CDH22: variants seen among roughly 807,000 people sequenced by gnomAD.
CDH22 encodes cadherin-22.
Under a neutral mutation model 58.4 loss-of-function variants are expected in CDH22, and 30 were observed. The ratio of observed to expected loss-of-function variants is 0.51; its 90% CI spans 0.38 to 0.70. CDH22 has a LOEUF of 0.70. CDH22 is among the 30% of genes least tolerant of loss of function. CDH22 has a pLI of 0.00. For synonymous variants in CDH22, 513 were observed against 558.2 expected (o/e 0.92, Z 1.14); for missense variants, 1,014 against 1,233.9 (o/e 0.82, Z 2.67).
intron 8 of CDH22, 147 bp downstream of exon 8, chr20:46,199,276 C>T (rs1224433064): frequency 1.1e-6 from 1 of 949,478 alleles, no homozygotes; most frequent in Non-Finnish European, 1.5e-6. Context: ...TCTTTCTCTT[C>T]GCACCATCCC....
At chr20:46,258,915 G>A (rs1255028926) in intron 1 of CDH22, among the ~76,000 whole-genome samples, 2 of 152,220 alleles carry the variant, frequency 1.3e-5, no homozygotes, top group East Asian at 3.8e-4. Context: ...CCTGTGGTAG[G>A]GGCTAGGGTG....
intron 1 of CDH22, among the ~76,000 whole-genome samples, chr20:46,260,917 C>T (rs527379801): frequency 3.9e-5 from 6 of 152,308 alleles, no homozygotes; most frequent in East Asian, 3.9e-4. Context: ...CTGCACAGAG[C>T]GACCCCCAGA....
At chr20:46,214,747 A>C (rs575751849) in intron 5 of CDH22, among the ~76,000 whole-genome samples, 7 of 152,134 alleles carry the variant, frequency 4.6e-5, no homozygotes, top group Admixed American at 1.3e-4. Context: ...CCTCCAGGGA[A>C]CCTTCCCAGA....
chr20:46,272,277 A>G (rs879561229), intron 1 of CDH22, among the ~76,000 whole-genome samples: 3 of 152,186 alleles, frequency 2.0e-5, no homozygotes, highest in Non-Finnish European at 4.4e-5. Flanking sequence ...TTGGGGAGGA[A>G]GAGTTGGGGA....
intron 1 of CDH22, among the ~76,000 whole-genome samples, chr20:46,268,148 G>A (rs1460022648): frequency 6.6e-6 from 1 of 152,240 alleles, no homozygotes; most frequent in Non-Finnish European, 1.5e-5. Flanking sequence ...GCAGCTACAG[G>A]GTCAAAACCG....
chr20:46,261,937 A>G lies in CDH22; in HGVS notation c.-399-10244T>C, dbSNP rs6032735. 1.7e-3 allele frequency among the ~76,000 whole-genome samples: 265 copies of G among 152,236 alleles called. 1 individual carries two copies. Among genetic ancestry groups the G allele is most frequent in the African/African-American group, 6.1e-3 (254 of 41,526 alleles). On this transcript the variant is annotated intron_variant, in intron 1 of 11. Coordinates refer to ENST00000537909, the MANE Select transcript of CDH22 (RefSeq NM_021248.3). The stretch of plus-strand genomic sequence containing the variant: ...GAAGGAGGCAACCAGTTACTGCCTT[A>G]GCGTGCCTGCAACTCACATGAGCAT...
chr20:46,259,897 G>A (rs2086424518), intron 1 of CDH22, among the ~76,000 whole-genome samples: 2 of 152,172 alleles, frequency 1.3e-5, no homozygotes, highest in South Asian at 4.1e-4. Flanking sequence ...AAAGAGTTAT[G>A]GGAAATACAA....
chr20:46,232,463 GA>G (rs1188585491), intron 3 of CDH22, among the ~76,000 whole-genome samples: 6 of 152,294 alleles, frequency 3.9e-5, no homozygotes, highest in African/African-American at 1.4e-4. Flanking sequence ...AGAAAGAGAT[GA>G]AGCACTTTGG....
At chr20:46,256,682 T>C (rs934599863) in intron 1 of CDH22, among the ~76,000 whole-genome samples, 1 of 151,972 alleles carries the variant, frequency 6.6e-6, no homozygotes, top group Admixed American at 6.6e-5. Flanking sequence ...AGCAGAAGAG[T>C]GACATGATCT....
chr20:46,214,594 C>T (rs1048746120), intron 5 of CDH22, among the ~76,000 whole-genome samples: 1 of 152,198 alleles, frequency 6.6e-6, no homozygotes, highest in African/African-American at 2.4e-5. Context: ...CACTCCATCT[C>T]TAGCTTCAGC....
chr20:46,209,639 G>C (rs2086025525), intron 7 of CDH22, among the ~76,000 whole-genome samples: 2 of 152,208 alleles, frequency 1.3e-5, no homozygotes, highest in African/African-American at 4.8e-5. Context: ...GGTAGCAGCA[G>C]AGGTGGTGAG....
chr20:46,266,787 T>A (rs1442476706), intron 1 of CDH22, among the ~76,000 whole-genome samples: 8 of 152,126 alleles, frequency 5.3e-5, no homozygotes, highest in Non-Finnish European at 7.4e-5. Context: ...TCAGGGCTCA[T>A]CAGAGGACAG....
In CDH22 at chr20:46,210,538, G is replaced by C. The variant is rs775665678; in HGVS notation, c.1055C>G (p.Pro352Arg). 1 of 1,429,634 alleles carries C rather than the reference G, an allele frequency of 7.0e-7. No individual in the cohort carries two copies. Among genetic ancestry groups the C allele is most frequent in the South Asian group, 1.6e-5 (1 of 63,174 alleles). The allele number at this position is 1,429,634 out of a possible 1,614,324, so 88.6% of individuals were successfully genotyped here. A position where few individuals can be genotyped will look rare whatever the true frequency, so the allele number is the denominator to read the frequency against. The change falls in exon 7 of 12, where the codon CCC (proline) becomes CGC (arginine). Residue 352 changes from proline to arginine, a missense_variant. Around this residue, in one of 2 missense-constraint regions of CDH22, gnomAD observed 806 missense variants for 1,038.7 expected, o/e 0.78. Coordinates refer to ENST00000537909, the MANE Select transcript of CDH22 (RefSeq NM_021248.3). This position sits in a 1 kb window ranked among gnomAD's most constrained non-coding sequence, Gnocchi z 4.5. ...GGCCTCCAGGATCACGGTGTGCACG[G>C]GCTGGGATTCGAAGTCCAGGCGCTG... Reference protein sequence around the residue: ...VQKRLDFESQPVHTVILEALN... With the variant: ...VQKRLDFESQRVHTVILEALN...
intron 11 of CDH22, among the ~76,000 whole-genome samples, chr20:46,175,334 T>C (rs530466663): frequency 6.6e-6 from 1 of 152,182 alleles, no homozygotes; most frequent in East Asian, 1.9e-4. Context: ...AGGTGGCCAA[T>C]GGGAGAGCAG....
At chr20:46,247,018 T>A (rs1202495356) in intron 2 of CDH22, among the ~76,000 whole-genome samples, 1 of 46,814 alleles carries the variant, frequency 2.1e-5, no homozygotes, top group Non-Finnish European at 4.2e-5. Context: ...TTCCTAGGGT[T>A]GGGGGGTGGG....
intron 10 of CDH22, among the ~76,000 whole-genome samples, chr20:46,186,025 C>T (rs1016916011): frequency 1.3e-5 from 2 of 151,880 alleles, no homozygotes; most frequent in African/African-American, 2.4e-5. Flanking sequence ...CTAGTCTGGG[C>T]AATACGGCAA....
intron 7 of CDH22, among the ~76,000 whole-genome samples, chr20:46,208,824 C>T (rs1207349765): frequency 6.6e-6 from 1 of 152,148 alleles, no homozygotes; most frequent in African/African-American, 2.4e-5. Context: ...AACTCCTGAC[C>T]TCGGGTGATC....
At chr20:46,214,558 C>A (rs1324131947) in intron 5 of CDH22, among the ~76,000 whole-genome samples, 2 of 152,172 alleles carry the variant, frequency 1.3e-5, no homozygotes, top group Admixed American at 1.3e-4. Context: ...CCCCTTCTGG[C>A]TTCTCCAGCC....
At position 46,241,357 on chromosome 20, in the gene CDH22, T is replaced by G; in HGVS notation, c.256-100A>C. 1.0e-6 allele frequency: 1 copy of G among 1,002,028 alleles called. No individual in the cohort carries two copies. The allele number at this position is 1,002,028 out of a possible 1,614,324, so 62.1% of individuals were successfully genotyped here. On this transcript the variant is annotated intron_variant, in intron 2 of 11. Transcript: ENST00000537909. The surrounding 1 kb of genome is among the most constrained non-coding windows in gnomAD (Gnocchi z 5.2). ...GGCTGCCTATTCCTAAGCCCATCTC[T>G]TCTCCAGCACATACACATCTTTAGT...
Sources: allele counts gnomAD v4.1 joint callset (sites outside exome capture counted in the v4.1 genomes callset), GRCh38; gene constraint gnomAD v4.1.1; regional missense constraint gnomAD v4.1.1; non-coding constraint Gnocchi (gnomAD v3.1); transcripts MANE v1.5; gene names NCBI Gene and HGNC (gene_info 2026-07-23, HGNC 2026-07-21).